The following MRTO4 variants were observed in gnomAD, a reference collection of about 807,000 sequenced individuals.
The protein encoded by MRTO4 is mRNA turnover protein 4 homolog.
Under a neutral mutation model 28.6 loss-of-function variants are expected in MRTO4, and 7 were observed. The ratio of observed to expected loss-of-function variants is 0.24; its 90% CI spans 0.14 to 0.46. The LOEUF (loss-of-function observed/expected upper bound fraction) is 0.46. MRTO4 is among the 20% of genes least tolerant of loss of function. MRTO4 has a pLI of 0.99. For synonymous variants in MRTO4, 113 were observed against 108.2 expected (o/e 1.04, Z -0.27); for missense variants, 302 against 298.3 (o/e 1.01, Z -0.09).
At chr1:19,255,063 G>A (rs1380970890) in intron 2 of MRTO4, among the ~76,000 whole-genome samples, 2 of 152,088 alleles carry the variant, frequency 1.3e-5, no homozygotes. Flanking sequence ...TCTGTGCCCT[G>A]TCCTGCACTG....
In MRTO4 at chr1:19,257,047, T is replaced by C. The variant is rs1298248598; in HGVS notation, c.192-17T>C. 6.2e-7 allele frequency: 1 copy of C among 1,613,258 alleles called. No individual in the cohort carries two copies. The highest frequency in any genetic ancestry group is 1.1e-5 in the South Asian group (1 of 91,014). On this transcript the variant is annotated splice_polypyrimidine_tract_variant and intron_variant, in intron 3 of 7. Coordinates refer to ENST00000330263, the MANE Select transcript of MRTO4 (RefSeq NM_016183.4). ...AGGGCTCTTCCTTCACAGAATGCTC[T>C]TTCTCTTGCTTGGTAGGATGTTCTT...
chr1:19,253,123 C>T (rs2093665743), intron 1 of MRTO4, among the ~76,000 whole-genome samples: 1 of 152,114 alleles, frequency 6.6e-6, no homozygotes, highest in Admixed American at 6.5e-5. Flanking sequence ...ACATATTCCG[C>T]AAAATGCTAA....
chr1:19,254,197 A>C lies in MRTO4; in HGVS notation c.29-585A>C, dbSNP rs1034603419. ...AGACCAACCTGGGCAACATGGCAAAAGCCATCTCTGCAAAAAATACAAAAC... is the reference window on the plus strand; with the variant it reads ...AGACCAACCTGGGCAACATGGCAAACGCCATCTCTGCAAAAAATACAAAAC... On this transcript the variant is annotated intron_variant, in intron 1 of 7. Transcript: ENST00000330263. Among the ~76,000 whole-genome samples the C allele has an allele frequency of 5.9e-5, 9 of 152,172 alleles. No homozygotes were observed. The East Asian group carries it at 1.7e-3, about 29-fold the overall frequency.
rs2093677901 is a variant in MRTO4, at chr1:19,259,875, T to C, written c.*1045T>C. 1 of 152,268 alleles carries C rather than the reference T, an allele frequency of 6.6e-6. No homozygotes were observed. Among genetic ancestry groups the C allele is most frequent in the Non-Finnish European group, 1.5e-5 (1 of 68,064 alleles). The allele number at this position is 152,268 out of a possible 1,614,324, so 9.4% of individuals were successfully genotyped here. On this transcript the variant is annotated 3_prime_UTR_variant, in exon 8 of 8. Transcript: ENST00000330263. Reference sequence around the variant, plus strand: ...GAGGTTTTATCCTTGGTGACTCTAATGGTAGATTTTTGTCCACCTTGTTCT... The same window carrying C: ...GAGGTTTTATCCTTGGTGACTCTAACGGTAGATTTTTGTCCACCTTGTTCT...
intron 7 of MRTO4, 63 bp from the exon 8 acceptor site, chr1:19,258,618 T>C (rs1329504344): frequency 4.3e-6 from 7 of 1,613,976 alleles, no homozygotes; most frequent in African/African-American, 1.3e-5. Flanking sequence ...CTGCTGAAAA[T>C]GCCCCCCTGC....
Position 19,254,762 on chromosome 1 carries a change from C to G in MRTO4, c.29-20C>G, listed in dbSNP as rs1281457586. On this transcript the variant is annotated intron_variant, in intron 1 of 7. Transcript: ENST00000330263. Reference sequence around the variant, plus strand: ...TTTAGATTGGTCTCTCATCATCTCTCTCCTTTTTGTTTTTATTAGTCTCCT... The same window carrying G: ...TTTAGATTGGTCTCTCATCATCTCTGTCCTTTTTGTTTTTATTAGTCTCCT... 6.3e-7 allele frequency: 1 copy of G among 1,599,014 alleles called. No homozygotes were observed. The highest frequency in any genetic ancestry group is 8.6e-7 in the Non-Finnish European group (1 of 1,166,466).
intron 6 of MRTO4, 106 bp downstream of exon 6, chr1:19,258,090 T>C (rs1333070468): frequency 7.1e-7 from 1 of 1,408,582 alleles, no homozygotes; most frequent in Non-Finnish European, 9.5e-7. Context: ...AAGCTTCCAT[T>C]TTCTCATGAG....
Position 19,256,046 on chromosome 1 carries a change from C to T in MRTO4, c.186C>T (p.His62=). The T allele has an allele frequency of 6.2e-7, 1 of 1,614,024 alleles. No individual in the cohort carries two copies. Among genetic ancestry groups the T allele is most frequent in the East Asian group, 2.2e-5 (1 of 44,876 alleles). The change falls in exon 3 of 8, where the codon CAC becomes CAT. Residue 62 remains histidine, a synonymous_variant. Transcript: ENST00000330263. ...KLKDIRNAWK[H]SRMFFGKNKV... is the part of the protein sequence containing the mutation. Reference sequence around the variant, plus strand: ...AGGACATCCGGAACGCCTGGAAGCACAGCCGGTGAGCGGGCAGGGGGAGGA... The same window carrying T: ...AGGACATCCGGAACGCCTGGAAGCATAGCCGGTGAGCGGGCAGGGGGAGGA...
At chr1:19,254,293 A>ATG (rs1263302496) in intron 1 of MRTO4, among the ~76,000 whole-genome samples, 12 of 152,130 alleles carry the variant, frequency 7.9e-5, no homozygotes, top group African/African-American at 2.7e-4. Flanking sequence ...GTGTGCCTGT[A>ATG]GTCCTGTGTG....
intron 5 of MRTO4, 115 bp from the exon 6 acceptor site, chr1:19,257,718 G>A: frequency 2.7e-6 from 4 of 1,459,074 alleles, no homozygotes; most frequent in Non-Finnish European, 3.8e-6. Flanking sequence ...CTGGCCAGCA[G>A]CCAAGGTCTG....
chr1:19,252,225 T>C, intron 1 of MRTO4: 2 of 346,272 alleles, frequency 5.8e-6, no homozygotes, highest in Non-Finnish European at 1.1e-5. Flanking sequence ...CCACCCTGGC[T>C]GCCTTTCCCT....
intron 6 of MRTO4, 149 bp from the exon 7 acceptor site, chr1:19,258,328 G>A: frequency 1.0e-6 from 1 of 966,440 alleles, no homozygotes; most frequent in Admixed American, 2.1e-5. Context: ...GCAAATCAAA[G>A]GGACCTCAGG....
At chr1:19,255,331 A>AAAAAG (rs1342703690) in intron 2 of MRTO4, among the ~76,000 whole-genome samples, 4 of 152,030 alleles carry the variant, frequency 2.6e-5, no homozygotes, top group African/African-American at 9.7e-5. Flanking sequence ...TCATCTCTAC[A>AAAAAG]AAAAGAAAAG....
At chr1:19,254,015 T>G (rs911637236) in intron 1 of MRTO4, among the ~76,000 whole-genome samples, 2 of 152,128 alleles carry the variant, frequency 1.3e-5, no homozygotes, top group African/African-American at 4.8e-5. Context: ...TACCAGGAGA[T>G]TCAGTCCCCA....
In MRTO4 at chr1:19,258,623, C is replaced by A; in HGVS notation, c.571-58C>A. ...TTTCCTCTGCCTGCTGAAAATGCCC[C>A]CCTGCACTTTGAATACCTTCATTCC... is the stretch of plus-strand genomic sequence containing the variant. On this transcript the variant is annotated intron_variant, in intron 7 of 7. Coordinates refer to ENST00000330263, the MANE Select transcript of MRTO4 (RefSeq NM_016183.4). 4 of 1,614,048 alleles carry A rather than the reference C, an allele frequency of 2.5e-6. No individual in the cohort carries two copies. The South Asian group carries it at 3.3e-5, about 13-fold the overall frequency.
intron 2 of MRTO4, among the ~76,000 whole-genome samples, chr1:19,255,229 C>A (rs561504993): frequency 9.9e-5 from 15 of 152,056 alleles, no homozygotes; most frequent in African/African-American, 3.6e-4. Flanking sequence ...AATGGTGGGC[C>A]ACGCCTGTAA....
chr1:19,254,291 G>A (rs1444350451), intron 1 of MRTO4, among the ~76,000 whole-genome samples: 3 of 152,172 alleles, frequency 2.0e-5, no homozygotes, highest in East Asian at 3.8e-4. Context: ...GTGTGTGCCT[G>A]TAGTCCTGTG....
Position 19,258,478 on chromosome 1 carries a change from TGTG to T in MRTO4, c.499_501del (p.Val167del), listed in dbSNP as rs1416259544. 6.2e-7 allele frequency: 1 copy of T among 1,613,782 alleles called. No individual in the cohort carries two copies. Among genetic ancestry groups the T allele is most frequent in the African/African-American group, 1.3e-5 (1 of 75,032 alleles). ...ACTGAGAGCCACCCTCTTCTGCAGG[TGTG>T]GTGACTCTGCTGTCTGACTACGAGG... On this transcript the variant is annotated inframe_deletion and splice_region_variant, in exon 7 of 8. Transcript: ENST00000330263.
rs778546078 is a variant in MRTO4, at chr1:19,257,119, G to C, written c.247G>C (p.Asp83His). The part of the protein sequence containing the change: ...MMVALGRSPS[D>H]EYKDNLHQVS... ...GGTGGCCTTGGGTCGGAGCCCATCTGATGAATACAAAGACAACCTGCACCA... is the reference window on the plus strand; with the variant it reads ...GGTGGCCTTGGGTCGGAGCCCATCTCATGAATACAAAGACAACCTGCACCA... Residue 83 changes from aspartate (D) to histidine (H), a missense_variant, in exon 4 of 8, where the codon GAT becomes CAT. Asp to His is a moderately conservative substitution (Grantham distance 81). Transcript: ENST00000330263. 7.4e-6 allele frequency: 12 copies of C among 1,614,188 alleles called. No individual in the cohort carries two copies. The highest frequency in any genetic ancestry group is 1.0e-5 in the Non-Finnish European group (12 of 1,180,028).
Sources: gnomAD v4.1 joint callset for allele counts (sites outside exome capture counted in the v4.1 genomes callset) on GRCh38, gnomAD v4.1.1 for gene constraint, MANE v1.5 for transcripts, NCBI Gene and HGNC (gene_info 2026-07-23, HGNC 2026-07-21) for gene names.